ADAMTS18: variants seen among roughly 807,000 people sequenced by gnomAD.
The protein encoded by ADAMTS18 is A disintegrin and metalloproteinase with thrombospondin motifs 18.
A neutral mutation model predicts 165.9 loss-of-function variants in ADAMTS18; 157 were observed. The observed-to-expected ratio is 0.95, with a 90% confidence interval of 0.83 to 1.08. The LOEUF is 1.08. Ranked by LOEUF, ADAMTS18 falls within the 50% of genes least tolerant of loss-of-function variation. The pLI, the probability that ADAMTS18 is intolerant of heterozygous loss-of-function variation, is 0.00. For missense variants in ADAMTS18, 2,040 were observed against 1,534.0 expected, an observed-to-expected ratio of 1.33 and a Z score of -5.51; for synonymous variants, 782 against 578.2, an observed-to-expected ratio of 1.35 and a Z score of -5.06.
At chr16:77,375,337 G>A (rs943791914) in intron 3 of ADAMTS18, among the ~76,000 whole-genome samples, 1 of 151,880 alleles carries the variant, frequency 6.6e-6, no homozygotes, top group Non-Finnish European at 1.5e-5. Flanking sequence ...ACAAAAAATC[G>A]CACCACCGCA....
At chr16:77,300,057 T>A (rs930880673) in intron 17 of ADAMTS18, 1 of 568,350 alleles carries the variant, frequency 1.8e-6, no homozygotes, top group Non-Finnish European at 3.1e-6. Flanking sequence ...TTGGTTGTGG[T>A]TGATTTGAGC....
chr16:77,367,647 T>C lies in ADAMTS18; in HGVS notation c.572A>G (p.Tyr191Cys). ...AGGATGGTGACCCGCAGGGGAGCTG[T>C]AGTTGTGTTCCTGGGCCAGAAGCTG... ...LPQLLAQEHN[Y>C]SSPAGHHPHV... The change falls in exon 4 of 23, where the codon TAC (tyrosine) becomes TGC (cysteine). Residue 191 changes from tyrosine (Y) to cysteine (C), a missense_variant. Physicochemically the swap from Tyr to Cys is radical, Grantham distance 194 (BLOSUM62 -2). Coordinates refer to ENST00000282849, the MANE Select transcript of ADAMTS18 (RefSeq NM_199355.4). The C allele has an allele frequency of 1.2e-6, 2 of 1,614,200 alleles. No homozygotes were observed. The highest frequency in any genetic ancestry group is 2.2e-5 in the South Asian group (2 of 91,092).
intron 2 of ADAMTS18, among the ~76,000 whole-genome samples, chr16:77,433,200 A>G (rs572768910): frequency 1.3e-5 from 2 of 152,312 alleles, no homozygotes; most frequent in East Asian, 3.9e-4. Flanking sequence ...CTTAACTATG[A>G]AAAAGATTCC....
chr16:77,372,954 T>C (rs1389877814), intron 3 of ADAMTS18, among the ~76,000 whole-genome samples: 1 of 152,168 alleles, frequency 6.6e-6, no homozygotes, highest in Non-Finnish European at 1.5e-5. Flanking sequence ...CATAATCAAC[T>C]CCCTGCAGAA....
chr16:77,337,843 C>T (rs1204087807), intron 11 of ADAMTS18, among the ~76,000 whole-genome samples: 3 of 151,670 alleles, frequency 2.0e-5, no homozygotes, highest in Non-Finnish European at 4.4e-5. Context: ...AGGTAAAATT[C>T]TACATAGAAA....
chr16:77,335,721 G>T, intron 12 of ADAMTS18, 35 bp downstream of exon 12: 1 of 1,613,804 alleles, frequency 6.2e-7, no homozygotes, highest in Non-Finnish European at 8.5e-7. Context: ...GAAGGTTAAG[G>T]CCTTGCAAAG....
At chr16:77,331,410 T>A (rs1036660225) in intron 12 of ADAMTS18, among the ~76,000 whole-genome samples, 1 of 152,196 alleles carries the variant, frequency 6.6e-6, no homozygotes, top group Admixed American at 6.5e-5. Context: ...ACTTAAGACA[T>A]GGCTGCATTC....
intron 3 of ADAMTS18, among the ~76,000 whole-genome samples, chr16:77,372,450 A>T (rs1377258089): frequency 6.6e-6 from 1 of 152,196 alleles, no homozygotes; most frequent in African/African-American, 2.4e-5. Flanking sequence ...GAAATCTTGT[A>T]ATTTGTGGTA....
At chr16:77,308,499 G>C (rs571865259) in intron 16 of ADAMTS18, among the ~76,000 whole-genome samples, 1 of 144,204 alleles carries the variant, frequency 6.9e-6, no homozygotes, top group South Asian at 2.2e-4. Context: ...GAAAGGAGGA[G>C]CATGAACTAG....
rs746654223 is a variant in ADAMTS18, at chr16:77,297,331, A to G, written c.2759T>C (p.Val920Ala). Reference sequence around the variant, plus strand: ...AGCGTTGCAGATTTTGGGCTCAGTTACTGGCTTGGTTTTTGCACTGCAGAA... The same window carrying G: ...AGCGTTGCAGATTTTGGGCTCAGTTGCTGGCTTGGTTTTTGCACTGCAGAA... ...SSFCSAKTKP[V>A]TEPKICNAFS... The change falls in exon 18 of 23, where the codon GTA becomes GCA. Residue 920 changes from valine (V) to alanine (A), a missense_variant. Val to Ala is a moderately conservative substitution (Grantham distance 64). Transcript: ENST00000282849. 6.2e-7 allele frequency: 1 copy of G among 1,614,186 alleles called. No homozygotes were observed. Among genetic ancestry groups the G allele is most frequent in the East Asian group, 2.2e-5 (1 of 44,878 alleles).
chr16:77,356,150 A>T, intron 8 of ADAMTS18, 73 bp from the exon 9 acceptor site: 1 of 1,596,892 alleles, frequency 6.3e-7, no homozygotes, highest in African/African-American at 1.3e-5. Flanking sequence ...GAGGAAGAAT[A>T]AAGATGTATT....
chr16:77,390,927 G>A (rs1036029601), intron 3 of ADAMTS18, among the ~76,000 whole-genome samples: 1 of 152,162 alleles, frequency 6.6e-6, no homozygotes, highest in African/African-American at 2.4e-5. Flanking sequence ...AAACAGTCTG[G>A]AAAGTTCTAT....
chr16:77,310,993 G>A (rs575885069), intron 16 of ADAMTS18, among the ~76,000 whole-genome samples: 3 of 152,198 alleles, frequency 2.0e-5, no homozygotes, highest in African/African-American at 7.2e-5. Flanking sequence ...GAAGTGAACA[G>A]AAGAAAATTG....
rs147546254 is a variant in ADAMTS18 at position 77,357,786 on chromosome 16, T to C, written c.1322+1532A>G. Among the ~76,000 whole-genome samples, 474 of 152,346 alleles carry C rather than the reference T, an allele frequency of 3.1e-3. 6 individuals are homozygous for C. The highest frequency in any genetic ancestry group is 0.011 in the African/African-American group (460 of 41,592). On this transcript the variant is annotated intron_variant, in intron 8 of 22. Transcript: ENST00000282849. ...ATAAATATCTCAGGAATTGTCTGTT[T>C]CAGAACTTCTTAAGTCCATGTTATT...
chr16:77,363,651 T>A (rs2056748609), intron 6 of ADAMTS18, 151 bp downstream of exon 6: 1 of 609,164 alleles, frequency 1.6e-6, no homozygotes, highest in Non-Finnish European at 2.9e-6. Context: ...GATTACACAA[T>A]CTTTTAAAAT....
At chr16:77,369,232 C>CT (rs1567518961) in intron 3 of ADAMTS18, among the ~76,000 whole-genome samples, 1 of 152,082 alleles carries the variant, frequency 6.6e-6, no homozygotes, top group African/African-American at 2.4e-5. Flanking sequence ...TTATTTTAAT[C>CT]TTTTTTTCAT....
At chr16:77,350,328 G>C (rs563532488) in intron 10 of ADAMTS18, among the ~76,000 whole-genome samples, 1 of 152,174 alleles carries the variant, frequency 6.6e-6, no homozygotes, top group East Asian at 1.9e-4. Context: ...TGATCCAAAA[G>C]AGCCAGCCCC....
At chr16:77,313,499 A>C (rs1484618203) in intron 16 of ADAMTS18, among the ~76,000 whole-genome samples, 1 of 148,160 alleles carries the variant, frequency 6.7e-6, no homozygotes, top group Non-Finnish European at 1.5e-5. Context: ...AAAAAAAAAA[A>C]CTTAAATTAC....
chr16:77,367,806 T>A (rs2056820930), intron 3 of ADAMTS18, 83 bp from the exon 4 acceptor site: 2 of 1,523,470 alleles, frequency 1.3e-6, no homozygotes, highest in East Asian at 2.3e-5. Flanking sequence ...TGCTTCTGAC[T>A]AATTCCTGTA....
Sources: gnomAD v4.1 joint callset for allele counts (sites outside exome capture counted in the v4.1 genomes callset) on GRCh38, gnomAD v4.1.1 for gene constraint, MANE v1.5 for transcripts, NCBI Gene and HGNC (gene_info 2026-07-23, HGNC 2026-07-21) for gene names.